CADM3: variants seen among roughly 807,000 people sequenced by gnomAD.
The protein encoded by CADM3 is TSLC1-like 1.
In CADM3, 11 loss-of-function variants were observed where a neutral mutation model predicts 44.9. The observed-to-expected ratio is 0.25, with a 90% CI of 0.15 to 0.41. The LOEUF is 0.41. Ranked by LOEUF, CADM3 falls within the 10% of genes least tolerant of loss-of-function variation. The pLI is 1.00. For missense variants in CADM3, 426 were observed against 512.0 expected, an observed-to-expected ratio of 0.83 and a Z score of 1.62; for synonymous variants, 207 against 205.2, an observed-to-expected ratio of 1.01 and a Z score of -0.08.
intron 2 of CADM3, 28 bp downstream of exon 2, chr1:159,192,104 G>A (rs746242727): frequency 2.7e-5 from 43 of 1,610,886 alleles, no homozygotes; most frequent in East Asian, 6.7e-5. Flanking sequence ...ATCTTTCTCC[G>A]TGAAAACCAT....
chr1:159,178,821 A>G (rs995710556), intron 1 of CADM3, among the ~76,000 whole-genome samples: 1 of 152,118 alleles, frequency 6.6e-6, no homozygotes, highest in Non-Finnish European at 1.5e-5. Context: ...TCGCATCAGA[A>G]CTACACAAGC....
intron 8 of CADM3, 147 bp downstream of exon 8, chr1:159,200,023 A>G (rs372140586): frequency 9.5e-7 from 1 of 1,055,996 alleles, no homozygotes; most frequent in Admixed American, 2.1e-5. Context: ...AATGGAGCCA[A>G]CCCTATCATT....
intron 1 of CADM3, among the ~76,000 whole-genome samples, chr1:159,173,052 G>A (rs1389967069): frequency 6.6e-6 from 1 of 152,082 alleles, no homozygotes; most frequent in East Asian, 1.9e-4. Flanking sequence ...GGAGGAAGGG[G>A]GAGAGGGAAC....
chr1:159,176,935 T>A (rs1161392168), intron 1 of CADM3, among the ~76,000 whole-genome samples: 4 of 152,164 alleles, frequency 2.6e-5, no homozygotes, highest in African/African-American at 9.7e-5. Context: ...TTAAGAGGCA[T>A]GATTCCATAC....
At chr1:159,192,104 G>T in intron 2 of CADM3, 28 bp downstream of exon 2, 1 of 1,610,888 alleles carries the variant, frequency 6.2e-7, no homozygotes, top group Non-Finnish European at 8.5e-7. Context: ...ATCTTTCTCC[G>T]TGAAAACCAT....
intron 8 of CADM3, 114 bp from the exon 9 acceptor site, chr1:159,200,690 G>T: frequency 2.8e-6 from 2 of 704,124 alleles, no homozygotes; most frequent in Non-Finnish European, 4.7e-6. Flanking sequence ...GAGAGCTATT[G>T]GCAAGAGAAA....
rs1648807452 is a variant in CADM3, at chr1:159,171,755, C to A, written c.-11C>A. On this transcript the variant is annotated 5_prime_UTR_variant, in exon 1 of 9. Transcript: ENST00000368125. ...GCCAGCGCCCAGCCAGGGAGCCGGC[C>A]GGGAAGCGCGATGGGGGCCCCAGCC... The A allele has an allele frequency of 2.4e-6, 3 of 1,234,628 alleles. No individual in the cohort carries two copies. The highest frequency in any genetic ancestry group is 1.6e-5 in the African/African-American group (1 of 64,472). 76.5% of individuals were successfully genotyped at this position (1,234,628 alleles called of 1,614,324 possible). A position where few individuals can be genotyped will look rare whatever the true frequency, so the allele number is the denominator to read the frequency against.
At chr1:159,197,212 G>A in intron 7 of CADM3, 152 bp downstream of exon 7, 1 of 688,198 alleles carries the variant, frequency 1.5e-6, no homozygotes. Flanking sequence ...GAGGGCTTAG[G>A]TCCCAGGTCC....
rs1570999159 is a variant in CADM3, at chr1:159,171,738, C to A, written c.-28C>A. The A allele has an allele frequency of 4.1e-6, 5 of 1,231,286 alleles. No homozygotes were observed. In the East Asian group the frequency reaches 1.6e-4, roughly 39 times the overall value. The allele number at this position is 1,231,286 out of a possible 1,614,324, so 76.3% of individuals were successfully genotyped here. A position where few individuals can be genotyped will look rare whatever the true frequency, so the allele number is the denominator to read the frequency against. On this transcript the variant is annotated 5_prime_UTR_variant, in exon 1 of 9. Transcript: ENST00000368125. ...CCCGGGGATTCAGGCTCGCCAGCGCCCAGCCAGGGAGCCGGCCGGGAAGCG... is the reference window on the plus strand; with the variant it reads ...CCCGGGGATTCAGGCTCGCCAGCGCACAGCCAGGGAGCCGGCCGGGAAGCG...
At chr1:159,183,769 TGGCCATTA>T (rs1344235104) in intron 1 of CADM3, among the ~76,000 whole-genome samples, 2 of 152,148 alleles carry the variant, frequency 1.3e-5, no homozygotes, top group Non-Finnish European at 2.9e-5. Flanking sequence ...TATTATATCG[TGGCCATTA>T]GGGAATTAGG....
chr1:159,182,086 A>G (rs28597939), intron 1 of CADM3, among the ~76,000 whole-genome samples: 92 of 120,790 alleles, frequency 7.6e-4, no homozygotes, highest in East Asian at 1.1e-3. Context: ...ACACACACAC[A>G]CGCACACACA....
At chr1:159,192,200 A>ATG (rs1649695332) in intron 2 of CADM3, 124 bp downstream of exon 2, 2 of 1,061,936 alleles carry the variant, frequency 1.9e-6, no homozygotes, top group Non-Finnish European at 2.7e-6. Flanking sequence ...CTGTTTGAGG[A>ATG]TGTAACAAGC....
intron 1 of CADM3, among the ~76,000 whole-genome samples, chr1:159,177,404 C>G (rs1446226213): frequency 2.0e-5 from 3 of 152,130 alleles, no homozygotes; most frequent in Non-Finnish European, 4.4e-5. Context: ...CCCCGTGATC[C>G]CAGTTCCCCT....
chr1:159,183,728 C>G (rs990697489), intron 1 of CADM3, among the ~76,000 whole-genome samples: 2 of 152,088 alleles, frequency 1.3e-5, no homozygotes, highest in Non-Finnish European at 2.9e-5. Flanking sequence ...TAACTCCCAC[C>G]CCGTATGGCT....
intron 3 of CADM3, 32 bp downstream of exon 3, chr1:159,192,762 C>A (rs748702027): frequency 6.3e-7 from 1 of 1,593,058 alleles, no homozygotes; most frequent in East Asian, 2.2e-5. Context: ...GTCTCTACAG[C>A]ATGCTTCCTT....
chr1:159,175,373 G>C (rs575800708), intron 1 of CADM3, among the ~76,000 whole-genome samples: 2 of 152,166 alleles, frequency 1.3e-5, no homozygotes, highest in Admixed American at 6.5e-5. Context: ...TGTATGTAAC[G>C]TCAACTGCCT....
chr1:159,171,777 A>G lies in CADM3; in HGVS notation c.12A>G (p.Pro4=). The change falls in exon 1 of 9, where the codon CCA becomes CCG. Residue 4 remains proline, a synonymous_variant. Coordinates refer to ENST00000368125, the MANE Select transcript of CADM3 (RefSeq NM_001127173.3). ...GGCCGGGAAGCGCGATGGGGGCCCCAGCCGCCTCGCTCCTGCTCCTGCTCC... is the reference window on the plus strand; with the variant it reads ...GGCCGGGAAGCGCGATGGGGGCCCCGGCCGCCTCGCTCCTGCTCCTGCTCC... MGA[P]AASLLLLLLL... is the part of the protein sequence containing the mutation. 1 of 1,239,108 alleles carries G rather than the reference A, an allele frequency of 8.1e-7. No homozygotes were observed. Among genetic ancestry groups the G allele is most frequent in the African/African-American group, 1.5e-5 (1 of 64,694 alleles). The allele number at this position is 1,239,108 out of a possible 1,614,324, so 76.8% of individuals were successfully genotyped here. A position where few individuals can be genotyped will look rare whatever the true frequency, so the allele number is the denominator to read the frequency against.
chr1:159,198,560 G>A (rs1013431403), intron 7 of CADM3, among the ~76,000 whole-genome samples: 1 of 152,172 alleles, frequency 6.6e-6, no homozygotes, highest in African/African-American at 2.4e-5. Flanking sequence ...AGACAGGCAA[G>A]GAACTGAAAC....
Position 159,196,245 on chromosome 1 carries a change from T to G in CADM3, c.692-119T>G, listed in dbSNP as rs950520178. Reference sequence around the variant, plus strand: ...TGAGAAGTAGGAGAAGGAAGGTCTTTGTTGCACTTCTTGAGCTGCGGAAAC... The same window carrying G: ...TGAGAAGTAGGAGAAGGAAGGTCTTGGTTGCACTTCTTGAGCTGCGGAAAC... On this transcript the variant is annotated intron_variant, in intron 5 of 8. Coordinates refer to ENST00000368125, the MANE Select transcript of CADM3 (RefSeq NM_001127173.3). The G allele has an allele frequency of 2.8e-5, 20 of 707,890 alleles. No homozygotes were observed. The African/African-American group carries it at 3.4e-4, about 12-fold the overall frequency. The allele number at this position is 707,890 out of a possible 1,614,324, so 43.9% of individuals were successfully genotyped here.
Sources: allele counts gnomAD v4.1 joint callset (sites outside exome capture counted in the v4.1 genomes callset), GRCh38; gene constraint gnomAD v4.1.1; transcripts MANE v1.5; gene names NCBI Gene and HGNC (gene_info 2026-07-23, HGNC 2026-07-21).